RFC2: variants seen among roughly 807,000 people sequenced by gnomAD.
The protein encoded by RFC2 is replication factor C subunit 2, also known as A1 40 kDa subunit.
Under a neutral mutation model 44.8 loss-of-function variants are expected in RFC2, and 34 were observed. The ratio of observed to expected loss-of-function variants is 0.76; its 90% CI spans 0.58 to 1.01. The LOEUF is 1.01. Ranked by LOEUF, RFC2 falls within the 50% of genes least tolerant of loss-of-function variation. The pLI is 0.00. For synonymous variants in RFC2, 177 were observed against 168.9 expected, an observed-to-expected ratio of 1.05 and a Z score of -0.37; for missense variants, 400 against 453.6, an observed-to-expected ratio of 0.88 and a Z score of 1.07.
intron 10 of RFC2, 54 bp downstream of exon 10, chr7:74,235,478 G>A (rs1554718123): frequency 4.9e-5 from 56 of 1,149,384 alleles, no homozygotes; most frequent in Non-Finnish European, 6.9e-5. Flanking sequence ...CACAGCACCC[G>A]GCCACTATGG....
chr7:74,252,880 T>A (rs1554721381), intron 1 of RFC2, among the ~76,000 whole-genome samples: 2 of 152,142 alleles, frequency 1.3e-5, no homozygotes, highest in Non-Finnish European at 2.9e-5. Context: ...TGCAGTGAGC[T>A]GAGATCATGC....
At chr7:74,249,402 G>A (rs1483724580) in intron 3 of RFC2, among the ~76,000 whole-genome samples, 1 of 152,122 alleles carries the variant, frequency 6.6e-6, no homozygotes, top group African/African-American at 2.4e-5. Context: ...TTAGCTGGGC[G>A]TGATGGCAGG....
intron 4 of RFC2, 57 bp from the exon 5 acceptor site, chr7:74,246,820 C>CA: frequency 2.5e-6 from 3 of 1,216,824 alleles, no homozygotes; most frequent in Non-Finnish European, 2.4e-6. Context: ...GTTGCCTTCA[C>CA]AAGGACTTTT....
chr7:74,239,193 T>G (rs1335512418), intron 7 of RFC2, among the ~76,000 whole-genome samples: 2 of 134,982 alleles, frequency 1.5e-5, no homozygotes, highest in African/African-American at 6.2e-5. Context: ...TTTTTTTTTT[T>G]GAGACAGAGT....
At chr7:74,252,294 C>T (rs1462890202) in intron 2 of RFC2, 135 bp downstream of exon 2, 3 of 549,732 alleles carry the variant, frequency 5.5e-6, no homozygotes, top group East Asian at 6.9e-5. Context: ...GTAGTCCCAG[C>T]TACTGGGGAG....
intron 7 of RFC2, among the ~76,000 whole-genome samples, 188 bp from the exon 8 acceptor site, chr7:74,239,176 T>C (rs914700470): frequency 1.4e-5 from 2 of 145,338 alleles, no homozygotes; most frequent in Non-Finnish European, 3.0e-5. Context: ...GTGACTTTTT[T>C]TTTTTTTTTT....
chr7:74,238,091 T>C lies in RFC2; in HGVS notation c.760-649A>G, dbSNP rs1554718645. 6.6e-6 allele frequency among the ~76,000 whole-genome samples: 1 copy of C among 152,028 alleles called. No individual in the cohort carries two copies. Among genetic ancestry groups the C allele is most frequent in the Non-Finnish European group, 1.5e-5 (1 of 68,008 alleles). ...GTGGAAGCCATGGTTTCCTGAGCCC[T>C]CAGTGACCCTCCAAGACAAAACAGG... On this transcript the variant is annotated intron_variant, in intron 8 of 10. Transcript: ENST00000055077. The surrounding 1 kb of genome is among the most constrained non-coding windows in gnomAD (Gnocchi z 4.0).
At position 74,232,032 on chromosome 7, in the gene RFC2, T is replaced by C; in HGVS notation, c.*74A>G. On this transcript the variant is annotated 3_prime_UTR_variant, in exon 11 of 11. Transcript: ENST00000055077. ...GTTGGCTCCAGCCTAAGGCGGCATTTTCCCCCATCAGAAAGCCGCGGCTCC... is the reference window on the plus strand; with the variant it reads ...GTTGGCTCCAGCCTAAGGCGGCATTCTCCCCCATCAGAAAGCCGCGGCTCC... 1 of 894,774 alleles carries C rather than the reference T, an allele frequency of 1.1e-6. No homozygotes were observed. The allele number at this position is 894,774 out of a possible 1,614,324, so 55.4% of individuals were successfully genotyped here.
In RFC2 at chr7:74,248,986, C is replaced by G. The variant is rs377545731; in HGVS notation, c.332+26G>C. 7.6e-5 allele frequency: 115 copies of G among 1,517,198 alleles called. 1 individual carries two copies. The Admixed American group carries it at 8.0e-4, about 11-fold the overall frequency. 94.0% of individuals were successfully genotyped at this position (1,517,198 alleles called of 1,614,324 possible). ...ATTCTCAATGCAGAGCACCCGCCCC[C>G]CTACAGGTCTGACTCTAAGACCTAC... On this transcript the variant is annotated intron_variant, in intron 4 of 10. Coordinates refer to ENST00000055077, the MANE Select transcript of RFC2 (RefSeq NM_181471.3).
At chr7:74,244,096 CAAAAAAAAAAAA>C (rs1179272254) in intron 5 of RFC2, among the ~76,000 whole-genome samples, 2 of 41,640 alleles carry the variant, frequency 4.8e-5, no homozygotes, top group East Asian at 1.5e-3. Context: ...ACTAAAAATA[CAAAAAAAAAAAA>C]AAAAAAAAAA....
At chr7:74,248,559 C>A (rs141961652) in intron 4 of RFC2, among the ~76,000 whole-genome samples, 2 of 151,130 alleles carry the variant, frequency 1.3e-5, no homozygotes, top group African/African-American at 4.9e-5. Flanking sequence ...GAGTGCTCAA[C>A]GGTGCGATCT....
chr7:74,239,198 CAG>C (rs1803187290), intron 7 of RFC2, among the ~76,000 whole-genome samples: 2 of 122,176 alleles, frequency 1.6e-5, no homozygotes. Flanking sequence ...TTTTTTGAGA[CAG>C]AGTCTCACTC....
At chr7:74,251,893 C>T (rs1429888723) in intron 2 of RFC2, among the ~76,000 whole-genome samples, 34 of 132,590 alleles carry the variant, frequency 2.6e-4, no homozygotes, top group Middle Eastern at 0.011. Context: ...GTCAGGAGAT[C>T]GAGACCATCC....
chr7:74,240,810 C>A (rs1554719197), intron 6 of RFC2, among the ~76,000 whole-genome samples: 2 of 151,948 alleles, frequency 1.3e-5, no homozygotes, highest in African/African-American at 4.8e-5. Flanking sequence ...CTTTTTTTTT[C>A]ATAGACAGGG....
chr7:74,247,215 T>C (rs1193353235), intron 4 of RFC2, among the ~76,000 whole-genome samples: 1 of 151,988 alleles, frequency 6.6e-6, no homozygotes, highest in African/African-American at 2.4e-5. Flanking sequence ...AGTGCAGATA[T>C]ACCACCTTTG....
intron 6 of RFC2, among the ~76,000 whole-genome samples, 176 bp downstream of exon 6, chr7:74,242,957 GGCCTGTAGTCTCA>G (rs1803421410): frequency 6.6e-6 from 1 of 151,552 alleles, no homozygotes; most frequent in Non-Finnish European, 1.5e-5. Flanking sequence ...TGGTGGCACA[GGCCTGTAGTCTCA>G]GCTACTGGGA....
In RFC2 at chr7:74,232,278, A is replaced by G. The variant is rs1802775035; in HGVS notation, c.955-62T>C. On this transcript the variant is annotated intron_variant, in intron 10 of 10. Coordinates refer to ENST00000055077, the MANE Select transcript of RFC2 (RefSeq NM_181471.3). Reference sequence around the variant, plus strand: ...TGGGGGAGTTCTTTTTTAAAATCTGAACTGAAAAAAATAAAAATAAAAACA... The same window carrying G: ...TGGGGGAGTTCTTTTTTAAAATCTGGACTGAAAAAAATAAAAATAAAAACA... 4 of 877,758 alleles carry G rather than the reference A, an allele frequency of 4.6e-6. No individual in the cohort carries two copies. The Admixed American group carries it at 8.4e-5, about 18-fold the overall frequency. The allele number at this position is 877,758 out of a possible 1,614,324, so 54.4% of individuals were successfully genotyped here.
chr7:74,236,689 G>A (rs1374481644), intron 9 of RFC2, among the ~76,000 whole-genome samples: 1 of 152,220 alleles, frequency 6.6e-6, no homozygotes, highest in Non-Finnish European at 1.5e-5. Context: ...CTTCCCTGGA[G>A]AAGGAGCTAG....
chr7:74,247,408 C>T (rs969942124), intron 4 of RFC2, among the ~76,000 whole-genome samples: 5 of 152,050 alleles, frequency 3.3e-5, no homozygotes, highest in Admixed American at 6.6e-5. Context: ...TTTAGGAGGC[C>T]AAGGTGGGCG....
Sources: allele counts gnomAD v4.1 joint callset (sites outside exome capture counted in the v4.1 genomes callset), GRCh38; gene constraint gnomAD v4.1.1; non-coding constraint Gnocchi (gnomAD v3.1); transcripts MANE v1.5; gene names NCBI Gene and HGNC (gene_info 2026-07-23, HGNC 2026-07-21).